Variants in ARHGAP11A observed in about 807,000 individuals in gnomAD.
The protein encoded by ARHGAP11A is Rho GTPase activating protein 11A.
A neutral mutation model predicts 60.5 loss-of-function variants in ARHGAP11A; 36 were observed. The ratio of observed to expected loss-of-function variants is 0.59; its 90% CI spans 0.46 to 0.79. ARHGAP11A has a LOEUF of 0.79. Among genes scored for constraint, ARHGAP11A ranks in the 30% least tolerant of loss-of-function variants. The pLI, the probability that ARHGAP11A is intolerant of heterozygous loss-of-function variation, is 0.00. For missense variants in ARHGAP11A, 1,071 were observed against 1,199.2 expected, an observed-to-expected ratio of 0.89 and a Z score of 1.58; for synonymous variants, 362 against 415.5, an observed-to-expected ratio of 0.87 and a Z score of 1.57.
Position 32,616,306 on chromosome 15 carries a change from G to A in ARHGAP11A, c.95G>A (p.Arg32His), listed in dbSNP as rs1324983449. Reference sequence around the variant, plus strand: ...AAGGGTGTCCGTGGGCAGTGCGATCGCAGGAGACATGAAACAGCAGCCACG... The same window carrying A: ...AAGGGTGTCCGTGGGCAGTGCGATCACAGGAGACATGAAACAGCAGCCACG... ...KVKGVRGQCD[R>H]RRHETAATEI... Residue 32 changes from arginine (R) to histidine (H), a missense_variant, in exon 1 of 12, where the codon CGC becomes CAC. Around this residue, in one of 4 missense-constraint regions of ARHGAP11A, gnomAD observed 71 missense variants for 142.4 expected, o/e 0.50. Coordinates refer to ENST00000361627, the MANE Select transcript of ARHGAP11A (RefSeq NM_014783.6). The A allele has an allele frequency of 1.2e-6, 2 of 1,613,990 alleles. No individual in the cohort carries two copies. The highest frequency in any genetic ancestry group is 1.7e-5 in the Admixed American group (1 of 60,012).
At chr15:32,619,431 C>T (rs1435784835) in intron 1 of ARHGAP11A, among the ~76,000 whole-genome samples, 1 of 152,196 alleles carries the variant, frequency 6.6e-6, no homozygotes, top group South Asian at 2.1e-4. Flanking sequence ...CAGCTTTACT[C>T]TTGGGATCTT....
intron 4 of ARHGAP11A, 114 bp downstream of exon 4, chr15:32,624,540 A>G (rs1402626544): frequency 1.3e-5 from 19 of 1,441,668 alleles, no homozygotes; most frequent in Middle Eastern, 2.1e-4. Flanking sequence ...TAAAAATTCC[A>G]TATTTCATTA....
Position 32,637,104 on chromosome 15 carries a change from T to C in ARHGAP11A, c.2331T>C (p.Pro777=), listed in dbSNP as rs371897655. 1.9e-6 allele frequency: 3 copies of C among 1,614,032 alleles called. No homozygotes were observed. The South Asian group carries it at 3.3e-5, about 18-fold the overall frequency. ...GTGTTGTAACAAACTTGTCAAAACC[T>C]AGGCCTATGAGAATTGCTAAACAGC... ...STCVVTNLSK[P]RPMRIAKQQS... is the part of the protein sequence containing the mutation. The change falls in exon 12 of 12, where the codon CCT becomes CCC. Residue 777 remains proline (P), a synonymous_variant. Coordinates refer to ENST00000361627, the MANE Select transcript of ARHGAP11A (RefSeq NM_014783.6).
intron 1 of ARHGAP11A, among the ~76,000 whole-genome samples, chr15:32,617,766 T>C (rs1231656911): frequency 6.6e-6 from 1 of 152,018 alleles, no homozygotes; most frequent in East Asian, 1.9e-4. Context: ...GCCACTGCAC[T>C]CGGCCTTTTC....
At chr15:32,622,809 C>A (rs2053368742) in intron 2 of ARHGAP11A, among the ~76,000 whole-genome samples, 1 of 152,072 alleles carries the variant, frequency 6.6e-6, no homozygotes, top group Non-Finnish European at 1.5e-5. Flanking sequence ...GAAAAAAAAA[C>A]CTCGCCCTGT....
At position 32,637,567 on chromosome 15, in the gene ARHGAP11A, A is replaced by T; in HGVS notation, c.2794A>T (p.Arg932Trp). The change falls in exon 12 of 12, where the codon AGG becomes TGG. Residue 932 changes from arginine to tryptophan, a missense_variant. Coordinates refer to ENST00000361627, the MANE Select transcript of ARHGAP11A (RefSeq NM_014783.6). ...ACCCTCGAAATCTTTCTTAAAGATGAGGAAGCACCCAGATTCAGTGAATGC... is the reference window on the plus strand; with the variant it reads ...ACCCTCGAAATCTTTCTTAAAGATGTGGAAGCACCCAGATTCAGTGAATGC... ...ELPSKSFLKM[R>W]KHPDSVNASL... 6.2e-7 allele frequency: 1 copy of T among 1,614,216 alleles called. No homozygotes were observed. Among genetic ancestry groups the T allele is most frequent in the Middle Eastern group, 1.6e-4 (1 of 6,062 alleles).
Position 32,625,084 on chromosome 15 carries a change from A to C in ARHGAP11A, c.556A>C (p.Ser186Arg). 6.2e-7 allele frequency: 1 copy of C among 1,613,854 alleles called. No individual in the cohort carries two copies. ...NFLRNVSLRS[S>R]ENKMDSSNLA... ...TAAAGCGTTTATTCACTTAAGATCC[A>C]GTGAGAATAAGATGGACAGCAGCAA... Residue 186 changes from serine (S) to arginine (R), a missense_variant, in exon 5 of 12, where the codon AGT becomes CGT. Ser to Arg is a moderately radical substitution (Grantham distance 110, BLOSUM62 -1). Around this residue, in one of 4 missense-constraint regions of ARHGAP11A, gnomAD observed 196 missense variants for 272.1 expected, o/e 0.72. Transcript: ENST00000361627.
Position 32,624,322 on chromosome 15 carries a change from A to G in ARHGAP11A, c.447A>G (p.Thr149=), listed in dbSNP as rs2053408191. The change falls in exon 4 of 12, where the codon ACA becomes ACG. Residue 149 remains threonine, a synonymous_variant. Transcript: ENST00000361627. The part of the protein sequence containing the change: ...EALLKAQQLG[T]EEKNKATLLL... ...TTTTGAAAGCTCAACAGTTAGGCAC[A>G]GAGGAAAAGAATAAAGCTACACTGT... is the stretch of plus-strand genomic sequence containing the variant. The G allele has an allele frequency of 1.2e-6, 2 of 1,613,952 alleles. No homozygotes were observed.
chr15:32,625,527 G>A lies in ARHGAP11A; in HGVS notation c.756G>A (p.Met252Ile), dbSNP rs1302312933. Residue 252 changes from methionine (M) to isoleucine (I), a missense_variant, in exon 6 of 12, where the codon ATG becomes ATA. By Grantham distance (10) the Met-to-Ile change is conservative (BLOSUM62 1). Transcript: ENST00000361627. ...TTATCCTGGAAAAGATACCAGCCAT[G>A]TTGGGTATTGATGGTCTCTGTGCTA... ...PDFILEKIPA[M>I]LGIDGLCATP... 3 of 1,613,952 alleles carry A rather than the reference G, an allele frequency of 1.9e-6. No individual in the cohort carries two copies. Among genetic ancestry groups the A allele is most frequent in the Middle Eastern group, 1.7e-4 (1 of 6,056 alleles).
chr15:32,618,766 C>A (rs907188284), intron 1 of ARHGAP11A, among the ~76,000 whole-genome samples: 2 of 141,672 alleles, frequency 1.4e-5, no homozygotes, highest in Non-Finnish European at 3.1e-5. Flanking sequence ...AAACCCCCCC[C>A]CCCCCGCCCC....
At chr15:32,616,460 A>G in intron 1 of ARHGAP11A, 120 bp downstream of exon 1, 1 of 1,447,592 alleles carries the variant, frequency 6.9e-7, no homozygotes, top group Non-Finnish European at 9.2e-7. Context: ...TAGGTGTGTA[A>G]TTCAGTTCAG....
chr15:32,616,430 T>G, intron 1 of ARHGAP11A, 90 bp downstream of exon 1: 2 of 1,570,578 alleles, frequency 1.3e-6, no homozygotes, highest in Non-Finnish European at 1.7e-6. Flanking sequence ...ATGTTCACTC[T>G]GTGTATCAAA....
intron 6 of ARHGAP11A, among the ~76,000 whole-genome samples, chr15:32,627,089 A>C (rs1316944272): frequency 6.6e-6 from 1 of 152,026 alleles, no homozygotes; most frequent in Non-Finnish European, 1.5e-5. Context: ...CTGTAGTTTC[A>C]GTTATCACCA....
intron 1 of ARHGAP11A, 131 bp downstream of exon 1, chr15:32,616,471 A>T (rs538589441): frequency 2.3e-5 from 32 of 1,375,960 alleles, no homozygotes; most frequent in Middle Eastern, 5.3e-4. Context: ...TTCAGTTCAG[A>T]TGGTCGATTG....
Position 32,618,111 on chromosome 15 carries a change from T to C in ARHGAP11A, c.129+1771T>C, listed in dbSNP as rs147482822. 1.3e-4 allele frequency among the ~76,000 whole-genome samples: 20 copies of C among 152,348 alleles called. No individual in the cohort carries two copies. The East Asian group carries it at 3.3e-3, about 25-fold the overall frequency. Reference sequence around the variant, plus strand: ...ATAAGAATATTCTAATGAAGAAATATAGAAGATCATTGTGTTAGGAGATCT... The same window carrying C: ...ATAAGAATATTCTAATGAAGAAATACAGAAGATCATTGTGTTAGGAGATCT... On this transcript the variant is annotated intron_variant, in intron 1 of 11. Transcript: ENST00000361627.
Position 32,625,188 on chromosome 15 carries a change from G to C in ARHGAP11A, c.660G>C (p.Lys220Asn), listed in dbSNP as rs767964620. The C allele has an allele frequency of 1.9e-5, 30 of 1,613,774 alleles. 1 individual carries two copies. The South Asian group carries it at 3.2e-4, about 17-fold the overall frequency. Reference protein sequence around the residue: ...HEKMSSNTEKKLRLQAAVVQT... With the variant: ...HEKMSSNTEKNLRLQAAVVQT... ...AGATGTCTTCTAACACAGAAAAGAA[G>C]CTACGATTACAGGCTGCAGTAGTAC... The change falls in exon 5 of 12, where the codon AAG (lysine) becomes AAC (asparagine). Residue 220 changes from lysine (K) to asparagine (N), a missense_variant. Coordinates refer to ENST00000361627, the MANE Select transcript of ARHGAP11A (RefSeq NM_014783.6).
At chr15:32,616,683 ATC>A (rs1432786010) in intron 1 of ARHGAP11A, among the ~76,000 whole-genome samples, 8 of 152,204 alleles carry the variant, frequency 5.3e-5, no homozygotes, top group African/African-American at 1.9e-4. Flanking sequence ...TGCTGGTAGC[ATC>A]TCTCAGTTGT....
Position 32,625,633 on chromosome 15 carries a change from G to A in ARHGAP11A, c.862G>A (p.Asp288Asn). The A allele has an allele frequency of 6.2e-7, 1 of 1,613,832 alleles. No homozygotes were observed. Among genetic ancestry groups the A allele is most frequent in the Non-Finnish European group, 8.5e-7 (1 of 1,179,754 alleles). Residue 288 changes from aspartate (D) to asparagine (N), a missense_variant and splice_region_variant, in exon 6 of 12, where the codon GAT (aspartate) becomes AAT (asparagine). By Grantham distance (23) the Asp-to-Asn change is conservative. Around this residue, in one of 4 missense-constraint regions of ARHGAP11A, gnomAD observed 196 missense variants for 272.1 expected, o/e 0.72. Coordinates refer to ENST00000361627, the MANE Select transcript of ARHGAP11A (RefSeq NM_014783.6). ...YKRKRRQSVG[D>N]FVSGALNKFK... ...GAGAAAGAGAAGACAAAGTGTAGGAGGTAAGTGGCGGTCCCATTTTATGGA... is the reference window on the plus strand; with the variant it reads ...GAGAAAGAGAAGACAAAGTGTAGGAAGTAAGTGGCGGTCCCATTTTATGGA...
rs375541956 is a variant in ARHGAP11A, at chr15:32,637,209, G to T, written c.2436G>T (p.Gln812His). 1 of 1,614,242 alleles carries T rather than the reference G, an allele frequency of 6.2e-7. No homozygotes were observed. The highest frequency in any genetic ancestry group is 2.2e-5 in the East Asian group (1 of 44,888). The change falls in exon 12 of 12, where the codon CAG (glutamine) becomes CAT (histidine). Residue 812 changes from glutamine (Q) to histidine (H), a missense_variant. Physicochemically the swap from Gln to His is conservative, Grantham distance 24 (BLOSUM62 0). Around this residue, in one of 4 missense-constraint regions of ARHGAP11A, gnomAD observed 776 missense variants for 760.2 expected, o/e 1.02. Transcript: ENST00000361627. ...ATAGAAAGGTTTCTGATCACATACA[G>T]TGGTTTAACAAGCTTTCTTTAAATG... ...TEHRKVSDHI[Q>H]WFNKLSLNEP...
Sources: allele counts gnomAD v4.1 joint callset (sites outside exome capture counted in the v4.1 genomes callset), GRCh38; gene constraint gnomAD v4.1.1; regional missense constraint gnomAD v4.1.1; transcripts MANE v1.5; gene names NCBI Gene and HGNC (gene_info 2026-07-23, HGNC 2026-07-21).